DNAH7: variants seen among roughly 807,000 people sequenced by gnomAD.
DNAH7 encodes axonemal beta dynein heavy chain 7.
DNAH7 carries 397 observed loss-of-function variants against 444.6 expected under a neutral mutation model. The ratio of observed to expected loss-of-function variants is 0.89; its 90% CI spans 0.82 to 0.97. The LOEUF is 0.97. Ranked by LOEUF, DNAH7 falls within the 50% of genes least tolerant of loss-of-function variation. The pLI is 0.00. For missense variants in DNAH7, 4,902 were observed against 4,800.8 expected, an observed-to-expected ratio of 1.02 and a Z score of -0.62; for synonymous variants, 1,636 against 1,624.4, an observed-to-expected ratio of 1.01 and a Z score of -0.17.
rs975665280 is a variant in DNAH7, at chr2:195,801,376, C to T, written c.10177-1904G>A. Among the ~76,000 whole-genome samples the T allele has an allele frequency of 6.6e-5, 10 of 152,060 alleles. 1 individual carries two copies. Among genetic ancestry groups the T allele is most frequent in the Non-Finnish European group, 7.4e-5 (5 of 67,986 alleles). On this transcript the variant is annotated intron_variant, in intron 54 of 64. Coordinates refer to ENST00000312428, the MANE Select transcript of DNAH7 (RefSeq NM_018897.3). Reference sequence around the variant, plus strand: ...ACAAATTCTTGCAAATGAATAGATTCCCCCTTCACAGAATATTGTGAACAC... The same window carrying T: ...ACAAATTCTTGCAAATGAATAGATTTCCCCTTCACAGAATATTGTGAACAC...
At position 196,018,226 on chromosome 2, in the gene DNAH7, G is replaced by A. The variant is rs75544361; in HGVS notation, c.869+944C>T. Among the ~76,000 whole-genome samples, 154 of 152,184 alleles carry A rather than the reference G, an allele frequency of 1.0e-3. 1 individual carries two copies. Among genetic ancestry groups the A allele is most frequent in the African/African-American group, 3.6e-3 (148 of 41,560 alleles). On this transcript the variant is annotated intron_variant, in intron 9 of 64. Transcript: ENST00000312428. ...CCTAGTAGTCTAGCAAAGGCAAATC[G>A]AAGTAATGATGATATAGCATTTTAC...
intron 12 of DNAH7, among the ~76,000 whole-genome samples, chr2:195,989,802 T>TCCTG (rs1340158181): frequency 1.3e-5 from 2 of 152,190 alleles, no homozygotes; most frequent in Non-Finnish European, 2.9e-5. Flanking sequence ...CTGCTCCTGC[T>TCCTG]CCTGCCACGT....
chr2:195,771,825 G>T lies in DNAH7; in HGVS notation c.11268C>A (p.Ile3756=). The T allele has an allele frequency of 6.2e-7, 1 of 1,614,160 alleles. No homozygotes were observed. The highest frequency in any genetic ancestry group is 8.5e-7 in the Non-Finnish European group (1 of 1,180,020). Residue 3756 remains isoleucine, a synonymous_variant, in exon 61 of 65, where the codon ATC becomes ATA. Transcript: ENST00000312428. ...CGAAGTTGTTTGGAAGTTTGCCCAA[G>T]ATGTCACTAGCGACCTCATTCACTA... ...DEVVNEVASD[I]LGKLPNNFDI...
intron 33 of DNAH7, among the ~76,000 whole-genome samples, chr2:195,887,714 T>C (rs538680826): frequency 6.6e-6 from 1 of 152,302 alleles, no homozygotes; most frequent in South Asian, 2.1e-4. Context: ...TAAACATTCT[T>C]GCTCTGTAAT....
chr2:195,818,802 T>G (rs1697337408), intron 49 of DNAH7, among the ~76,000 whole-genome samples: 1 of 152,168 alleles, frequency 6.6e-6, no homozygotes, highest in African/African-American at 2.4e-5. Flanking sequence ...TTGGCTTCAT[T>G]TGAAATCCTC....
chr2:195,794,631 A>C (rs574948198), intron 56 of DNAH7, 93 bp from the exon 57 acceptor site: 1 of 1,189,870 alleles, frequency 8.4e-7, no homozygotes, highest in African/African-American at 1.5e-5. Context: ...AAGGGGGAGG[A>C]AGTATTTTTA....
intron 63 of DNAH7, among the ~76,000 whole-genome samples, chr2:195,742,862 G>A (rs563077245): frequency 2.0e-3 from 306 of 152,334 alleles, no homozygotes; most frequent in Non-Finnish European, 3.3e-3. Flanking sequence ...ATGCTGTGAC[G>A]ATTAATATTG....
chr2:195,930,029 A>T (rs1026476767), intron 21 of DNAH7, among the ~76,000 whole-genome samples: 1 of 152,214 alleles, frequency 6.6e-6, no homozygotes, highest in Non-Finnish European at 1.5e-5. Flanking sequence ...TGAACAAGCA[A>T]AAAACAAACA....
intron 61 of DNAH7, among the ~76,000 whole-genome samples, chr2:195,761,392 G>A (rs747185487): frequency 1.3e-5 from 2 of 152,106 alleles, no homozygotes; most frequent in Non-Finnish European, 2.9e-5. Context: ...AGAAGAGGTA[G>A]AGAGAGATAT....
chr2:195,966,791 T>C (rs938099779), intron 17 of DNAH7, among the ~76,000 whole-genome samples: 1 of 152,194 alleles, frequency 6.6e-6, no homozygotes, highest in African/African-American at 2.4e-5. Flanking sequence ...CCCATTGGCA[T>C]GGAATATATT....
intron 24 of DNAH7, among the ~76,000 whole-genome samples, chr2:195,919,410 T>A (rs1440437727): frequency 6.6e-6 from 1 of 152,112 alleles, no homozygotes; most frequent in African/African-American, 2.4e-5. Context: ...AGTGGCACAA[T>A]CTCGGCTCAC....
chr2:196,025,060 A>G (rs1436121855), intron 7 of DNAH7, among the ~76,000 whole-genome samples: 1 of 152,236 alleles, frequency 6.6e-6, no homozygotes, highest in African/African-American at 2.4e-5. Context: ...AAATCTGGAG[A>G]TGATTTAAAG....
intron 46 of DNAH7, among the ~76,000 whole-genome samples, chr2:195,849,520 C>T (rs1035944383): frequency 2.6e-5 from 4 of 152,016 alleles, no homozygotes; most frequent in African/African-American, 7.2e-5. Flanking sequence ...GATGGTATTG[C>T]TACGTAGGGA....
At chr2:195,942,743 T>C (rs1689543156) in intron 19 of DNAH7, among the ~76,000 whole-genome samples, 1 of 152,160 alleles carries the variant, frequency 6.6e-6, no homozygotes, top group South Asian at 2.1e-4. Flanking sequence ...ACATGGTTAA[T>C]TGGTGAGACA....
chr2:195,917,708 C>T (rs1172040276), intron 24 of DNAH7, among the ~76,000 whole-genome samples: 2 of 152,210 alleles, frequency 1.3e-5, no homozygotes, highest in African/African-American at 4.8e-5. Context: ...CCACCAGTAA[C>T]ATGGTGGCTT....
intron 57 of DNAH7, among the ~76,000 whole-genome samples, chr2:195,788,676 T>C (rs908447551): frequency 1.3e-5 from 2 of 152,154 alleles, no homozygotes; most frequent in African/African-American, 4.8e-5. Context: ...AGCAAATCAG[T>C]AAATGTGCTG....
intron 8 of DNAH7, among the ~76,000 whole-genome samples, chr2:196,023,508 C>T (rs1695503091): frequency 6.6e-6 from 1 of 152,214 alleles, no homozygotes; most frequent in South Asian, 2.1e-4. Flanking sequence ...ACCTCTGCTA[C>T]CTTCAAACAT....
intron 37 of DNAH7, 107 bp downstream of exon 37, chr2:195,876,437 T>A: frequency 1.7e-6 from 2 of 1,156,280 alleles, no homozygotes; most frequent in Non-Finnish European, 2.5e-6. Flanking sequence ...ATTTGTGACA[T>A]TAAAAAACTA....
intron 20 of DNAH7, among the ~76,000 whole-genome samples, chr2:195,935,405 T>A (rs561034899): frequency 6.6e-6 from 1 of 152,308 alleles, no homozygotes; most frequent in African/African-American, 2.4e-5. Context: ...GATAGAAATC[T>A]GAGCCTAAAT....
Sources: allele counts gnomAD v4.1 joint callset (sites outside exome capture counted in the v4.1 genomes callset), GRCh38; gene constraint gnomAD v4.1.1; transcripts MANE v1.5; gene names NCBI Gene and HGNC (gene_info 2026-07-23, HGNC 2026-07-21).